The following SYT17 variants were observed in gnomAD, a reference collection of about 807,000 sequenced individuals.
SYT17 encodes the protein synaptotagmin-17.
Under a neutral mutation model 46.7 loss-of-function variants are expected in SYT17, and 22 were observed. The observed-to-expected ratio is 0.47, with a 90% CI of 0.34 to 0.67. The LOEUF (loss-of-function observed/expected upper bound fraction) is 0.67. SYT17 is among the 30% of genes least tolerant of loss of function. The probability of loss-of-function intolerance (pLI) is 0.01; values close to 1 mark genes in which losing one functional copy is unlikely to be tolerated. For synonymous variants in SYT17, 251 were observed against 248.4 expected (o/e 1.01, Z -0.10); for missense variants, 519 against 612.8 (o/e 0.85, Z 1.62).
chr16:19,189,399 C>CGT (rs1333458271), intron 5 of SYT17, among the ~76,000 whole-genome samples: 1 of 144,158 alleles, frequency 6.9e-6, no homozygotes, highest in Non-Finnish European at 1.5e-5. Context: ...GGATTGCAGT[C>CGT]GTGTAATCAT....
At chr16:19,226,519 G>A (rs571877360) in intron 7 of SYT17, among the ~76,000 whole-genome samples, 1 of 152,256 alleles carries the variant, frequency 6.6e-6, no homozygotes, top group Non-Finnish European at 1.5e-5. Context: ...GTTTTCTCAA[G>A]GCCTGTCACC....
At chr16:19,220,495 C>T (rs1966275245) in intron 5 of SYT17, among the ~76,000 whole-genome samples, 1 of 151,888 alleles carries the variant, frequency 6.6e-6, no homozygotes, top group African/African-American at 2.4e-5. Flanking sequence ...GATGGGGTTT[C>T]ACCATGTTGG....
intron 3 of SYT17, among the ~76,000 whole-genome samples, chr16:19,178,875 G>C (rs7196471): frequency 0.01 from 1,543 of 151,964 alleles, 28 homozygotes; most frequent in African/African-American, 0.035. Context: ...GTATTGGGGG[G>C]GATCTTAAAG....
At chr16:19,241,723 T>C (rs1165455846) in intron 7 of SYT17, among the ~76,000 whole-genome samples, 1 of 152,010 alleles carries the variant, frequency 6.6e-6, no homozygotes, top group African/African-American at 2.4e-5. Flanking sequence ...TCCTGCGCCC[T>C]CCCCACAGCT....
At chr16:19,249,275 AAAATAAATAAATAAAT>A (rs71375627) in intron 7 of SYT17, among the ~76,000 whole-genome samples, 1,474 of 145,336 alleles carry the variant, frequency 0.01, 34 homozygotes, top group African/African-American at 0.035. Context: ...CGCCGTCTCA[AAAATAAATAAATAAAT>A]AAATAAATAA....
chr16:19,202,670 C>T (rs944136865), intron 5 of SYT17, among the ~76,000 whole-genome samples: 4 of 152,164 alleles, frequency 2.6e-5, no homozygotes, highest in Non-Finnish European at 4.4e-5. Flanking sequence ...CAGTCCCATC[C>T]AGTCATCTCA....
At chr16:19,186,318 C>T (rs970008183) in intron 5 of SYT17, among the ~76,000 whole-genome samples, 6 of 124,900 alleles carry the variant, frequency 4.8e-5, no homozygotes, top group African/African-American at 2.0e-4. Flanking sequence ...TTCTACAAAA[C>T]ATTAAAAAAA....
chr16:19,176,984 C>T (rs9673453), intron 3 of SYT17, among the ~76,000 whole-genome samples: 61,956 of 151,904 alleles, frequency 0.41, 14,501 homozygotes, highest in African/African-American at 0.63. Flanking sequence ...TTCTTCGATA[C>T]CAGCGGAGAC....
In SYT17 at chr16:19,267,028, C is replaced by T; in HGVS notation, c.1377C>T (p.Ser459=). The part of the protein sequence containing the change: ...TAVEQWHSLR[S]RAECDRVSPA... ...TGGAGCAGTGGCATAGCCTGAGGTC[C>T]CGAGCTGAGTGTGACCGCGTGTCTC... The change falls in exon 8 of 8, where the codon TCC becomes TCT. Residue 459 remains serine (S), a synonymous_variant. Coordinates refer to ENST00000355377, the MANE Select transcript of SYT17 (RefSeq NM_016524.4). 1 of 1,612,760 alleles carries T rather than the reference C, an allele frequency of 6.2e-7. No individual in the cohort carries two copies. Among genetic ancestry groups the T allele is most frequent in the Non-Finnish European group, 8.5e-7 (1 of 1,179,886 alleles).
chr16:19,262,330 A>T (rs994759902), intron 7 of SYT17, among the ~76,000 whole-genome samples: 1 of 152,172 alleles, frequency 6.6e-6, no homozygotes, highest in African/African-American at 2.4e-5. Flanking sequence ...TGCTGCTTCT[A>T]TTGCATGAGA....
At chr16:19,233,943 C>T (rs1048016355) in intron 7 of SYT17, among the ~76,000 whole-genome samples, 12 of 152,164 alleles carry the variant, frequency 7.9e-5, no homozygotes, top group African/African-American at 2.7e-4. Flanking sequence ...ACTTAGTGAG[C>T]ACCAGACTCA....
rs535426913 is a variant in SYT17, at chr16:19,253,750, G to A, written c.1229-13130G>A. On this transcript the variant is annotated intron_variant, in intron 7 of 7. Coordinates refer to ENST00000355377, the MANE Select transcript of SYT17 (RefSeq NM_016524.4). ...TTCTCTTTTTTTTTCTTCTTGAGAC[G>A]GAGTTTCACTCTTGTTGCCCAGGCT... Among the ~76,000 whole-genome samples the A allele has an allele frequency of 3.1e-3, 466 of 152,096 alleles. 2 individuals are homozygous for A. Among genetic ancestry groups the A allele is most frequent in the Non-Finnish European group, 4.8e-3 (323 of 67,994 alleles).
intron 7 of SYT17, among the ~76,000 whole-genome samples, chr16:19,244,165 G>T (rs750476053): frequency 1.3e-5 from 2 of 152,122 alleles, no homozygotes; most frequent in Admixed American, 1.3e-4. Context: ...AGACGAGGTA[G>T]GTTCTGATGT....
chr16:19,185,840 T>G (rs1323565030), intron 5 of SYT17, among the ~76,000 whole-genome samples: 1 of 152,226 alleles, frequency 6.6e-6, no homozygotes, highest in Non-Finnish European at 1.5e-5. Context: ...ACGTCTTCTA[T>G]TGTGAACCCA....
rs1454446044 is a variant in SYT17 at position 19,204,095 on chromosome 16, T to C, written c.952-18950T>C. The stretch of plus-strand genomic sequence containing the variant: ...TCTGGAGCAGAGTACGAGGTGGACC[T>C]AGAGCAGGGATTCTCAGCTTTGGCA... On this transcript the variant is annotated intron_variant, in intron 5 of 7. Transcript: ENST00000355377. Among the ~76,000 whole-genome samples the C allele has an allele frequency of 2.0e-5, 3 of 152,168 alleles. No homozygotes were observed. The East Asian group carries it at 5.8e-4, about 29-fold the overall frequency.
intron 7 of SYT17, chr16:19,249,905 C>A (rs767020314): frequency 6.5e-7 from 1 of 1,533,546 alleles, no homozygotes; most frequent in South Asian, 1.2e-5. Flanking sequence ...ACTCCCTTGT[C>A]CCCAGCAGAT....
chr16:19,262,551 G>A (rs1051722801), intron 7 of SYT17, among the ~76,000 whole-genome samples: 2 of 149,550 alleles, frequency 1.3e-5, no homozygotes, highest in African/African-American at 5.1e-5. Context: ...AGAGAGACCA[G>A]ATGCAAGCTT....
At position 19,180,481 on chromosome 16, in the gene SYT17, A is replaced by T; in HGVS notation, c.273A>T (p.Gly91=). Residue 91 remains glycine (G), a synonymous_variant, in exon 4 of 8, where the codon GGA becomes GGT. Coordinates refer to ENST00000355377, the MANE Select transcript of SYT17 (RefSeq NM_016524.4). ...PLTPRTNSPD[G]RRSSSDTSKS... Reference sequence around the variant, plus strand: ...CCCCACGGACCAATTCCCCGGATGGAAGACGCTCGTCCTCAGACACATCCA... The same window carrying T: ...CCCCACGGACCAATTCCCCGGATGGTAGACGCTCGTCCTCAGACACATCCA... 6.2e-7 allele frequency: 1 copy of T among 1,614,176 alleles called. No individual in the cohort carries two copies. The highest frequency in any genetic ancestry group is 1.3e-5 in the African/African-American group (1 of 75,054).
In SYT17 at chr16:19,168,829, C is replaced by T. The variant is rs2142484450; in HGVS notation, c.15+168C>T. Among the ~76,000 whole-genome samples, 1 of 152,126 alleles carries T rather than the reference C, an allele frequency of 6.6e-6. No homozygotes were observed. Among genetic ancestry groups the T allele is most frequent in the African/African-American group, 2.4e-5 (1 of 41,534 alleles). On this transcript the variant is annotated intron_variant, in intron 1 of 7. Transcript: ENST00000355377. This position sits in a 1 kb window ranked among gnomAD's most constrained non-coding sequence, Gnocchi z 6.9. ...CCTGTGCAGCAACAGGGGTGCGCCC[C>T]GGGAGGAGAGACTGGGGACCCCCAA...
Sources: allele counts gnomAD v4.1 joint callset (sites outside exome capture counted in the v4.1 genomes callset), GRCh38; gene constraint gnomAD v4.1.1; non-coding constraint Gnocchi (gnomAD v3.1); transcripts MANE v1.5; gene names NCBI Gene and HGNC (gene_info 2026-07-23, HGNC 2026-07-21).